DNAH14: variants seen among roughly 807,000 people sequenced by gnomAD.
DNAH14 encodes dynein axonemal heavy chain 14, also known as axonemal beta dynein heavy chain 14.
In DNAH14, 478 loss-of-function variants were observed where a neutral mutation model predicts 520.9. That is an observed-to-expected ratio of 0.92 (90% CI 0.85 to 0.99). The LOEUF is 0.99. DNAH14 is among the 50% of genes least tolerant of loss of function. The pLI is 0.00. For missense variants in DNAH14, 4,831 were observed against 5,234.5 expected (o/e 0.92, Z 2.38); for synonymous variants, 1,581 against 1,757.2 (o/e 0.90, Z 2.51).
chr1:225,094,656 C>CAAAAAAAAAAAAAAAAAAAAACA (rs2074727346), intron 21 of DNAH14, among the ~76,000 whole-genome samples: 1 of 77,822 alleles, frequency 1.3e-5, no homozygotes, highest in Non-Finnish European at 3.4e-5. Flanking sequence ...TTCTGCACAG[C>CAAAAAAAAAAAAAAAAAAAAACA]AAAAAAAAAA....
At chr1:225,098,946 G>A (rs1452114652) in intron 22 of DNAH14, among the ~76,000 whole-genome samples, 1 of 152,140 alleles carries the variant, frequency 6.6e-6, no homozygotes, top group Non-Finnish European at 1.5e-5. Flanking sequence ...TTTGAGTAAT[G>A]GAGCAGGATG....
chr1:224,941,238 G>A (rs1470049413), intron 1 of DNAH14, among the ~76,000 whole-genome samples: 11 of 152,046 alleles, frequency 7.2e-5, no homozygotes, highest in Admixed American at 1.3e-4. Flanking sequence ...GTATCTCATT[G>A]TGGTTTTGAT....
intron 17 of DNAH14, among the ~76,000 whole-genome samples, chr1:225,056,357 C>A (rs1437068611): frequency 1.3e-5 from 2 of 152,158 alleles, no homozygotes; most frequent in African/African-American, 4.8e-5. Context: ...TGTTCATATC[C>A]TTCGCCCACT....
chr1:225,018,549 G>A (rs951562845), intron 10 of DNAH14, among the ~76,000 whole-genome samples: 2 of 152,134 alleles, frequency 1.3e-5, no homozygotes, highest in African/African-American at 4.8e-5. Flanking sequence ...GAGAACTCCT[G>A]TGTGAAGGAG....
At chr1:225,265,153 GT>G in intron 47 of DNAH14, 28 bp from the exon 48 acceptor site, 1 of 1,400,892 alleles carries the variant, frequency 7.1e-7, no homozygotes, top group African/African-American at 1.5e-5. Flanking sequence ...TCCTAAATTT[GT>G]TTTTTCTTTC....
intron 54 of DNAH14, among the ~76,000 whole-genome samples, chr1:225,284,810 G>A (rs907754375): frequency 6.6e-6 from 1 of 152,126 alleles, no homozygotes; most frequent in Non-Finnish European, 1.5e-5. Context: ...ATTTACTGCA[G>A]GAATGCACAT....
intron 23 of DNAH14, among the ~76,000 whole-genome samples, chr1:225,117,369 AATT>A (rs574536078): frequency 4.7e-5 from 7 of 150,396 alleles, no homozygotes; most frequent in African/African-American, 1.2e-4. Context: ...TAATAATAAT[AATT>A]ATTATTATTA....
intron 1 of DNAH14, among the ~76,000 whole-genome samples, chr1:224,936,539 C>T (rs7522229): frequency 0.014 from 2,200 of 151,950 alleles, 38 homozygotes; most frequent in African/African-American, 0.049. Context: ...AGAACATCAA[C>T]GAACCAATAG....
intron 41 of DNAH14, among the ~76,000 whole-genome samples, chr1:225,207,777 C>A (rs1358909062): frequency 6.6e-6 from 1 of 152,078 alleles, no homozygotes; most frequent in Non-Finnish European, 1.5e-5. Flanking sequence ...ATTCATCAAA[C>A]CAATATAGAA....
chr1:224,952,694 G>T lies in DNAH14; in HGVS notation c.-9G>T. ...GCCAGTTCCTTTATAGTTTTGTTCA[G>T]AAAAACATATGGAGACGTTTATACC... On this transcript the variant is annotated 5_prime_UTR_variant, in exon 2 of 86. Transcript: ENST00000682510. 1 of 1,566,866 alleles carries T rather than the reference G, an allele frequency of 6.4e-7. No homozygotes were observed. The highest frequency in any genetic ancestry group is 1.2e-5 in the South Asian group (1 of 82,116).
chr1:225,337,673 G>A (rs2095086011), intron 67 of DNAH14, among the ~76,000 whole-genome samples, 177 bp downstream of exon 67: 1 of 152,088 alleles, frequency 6.6e-6, no homozygotes, highest in African/African-American at 2.4e-5. Flanking sequence ...TTCTCTTACA[G>A]CTGTCTTTCA....
intron 37 of DNAH14, among the ~76,000 whole-genome samples, chr1:225,190,735 G>T (rs1234953810): frequency 5.9e-5 from 9 of 152,046 alleles, no homozygotes; most frequent in Non-Finnish European, 1.2e-4. Context: ...TGAAGACACA[G>T]TGAGAAGGCA....
chr1:225,207,010 C>A lies in DNAH14; in HGVS notation c.6229C>A (p.Leu2077Ile), dbSNP rs866098942. Reference sequence around the variant, plus strand: ...ATGGGAACCTTATGTTAAGTCATGGCTTCTGAAAACTTCTAAAATTATAAG... The same window carrying A: ...ATGGGAACCTTATGTTAAGTCATGGATTCTGAAAACTTCTAAAATTATAAG... Reference protein sequence around the residue: ...LGWEPYVKSWLLKTSKIISQS... With the variant: ...LGWEPYVKSWILKTSKIISQS... Residue 2077 changes from leucine to isoleucine, a missense_variant, in exon 41 of 86, where the codon CTT (leucine) becomes ATT (isoleucine). Leu to Ile is a conservative substitution (Grantham distance 5). Transcript: ENST00000682510. The A allele has an allele frequency of 6.5e-7, 1 of 1,542,386 alleles. No individual in the cohort carries two copies. Among genetic ancestry groups the A allele is most frequent in the East Asian group, 2.5e-5 (1 of 40,638 alleles).
Position 225,231,063 on chromosome 1 carries a change from C to G in DNAH14, c.6440-10C>G. 1 of 1,540,454 alleles carries G rather than the reference C, an allele frequency of 6.5e-7. No individual in the cohort carries two copies. The highest frequency in any genetic ancestry group is 2.0e-5 in the Admixed American group (1 of 49,278). On this transcript the variant is annotated splice_polypyrimidine_tract_variant and intron_variant, in intron 41 of 85. Coordinates refer to ENST00000682510, the MANE Select transcript of DNAH14 (RefSeq NM_001367479.1). ...TGTTAATTATGGAAAAATACTCTTT[C>G]CTTTTTAAGGTGATGATTTGAATGA...
chr1:225,030,954 A>G (rs1261891360), intron 11 of DNAH14, among the ~76,000 whole-genome samples: 3 of 152,032 alleles, frequency 2.0e-5, no homozygotes, highest in Non-Finnish European at 4.4e-5. Flanking sequence ...GAATATATAG[A>G]TCAATCTGGG....
At chr1:225,147,937 A>G (rs2080106665) in intron 31 of DNAH14, among the ~76,000 whole-genome samples, 1 of 152,206 alleles carries the variant, frequency 6.6e-6, no homozygotes, top group South Asian at 2.1e-4. Flanking sequence ...TTCCAGTTCC[A>G]TCCATGTTCC....
Position 225,117,957 on chromosome 1 carries a change from A to G in DNAH14, c.4049A>G (p.Lys1350Arg). The G allele has an allele frequency of 6.4e-7, 1 of 1,551,524 alleles. No homozygotes were observed. ...WKQDIGPPAV[K>R]MLISAEGEGL... Reference sequence around the variant, plus strand: ...CAAGACATTGGCCCTCCTGCTGTAAAAATGCTAATATCTGCTGAAGGGGAA... The same window carrying G: ...CAAGACATTGGCCCTCCTGCTGTAAGAATGCTAATATCTGCTGAAGGGGAA... The change falls in exon 25 of 86, where the codon AAA becomes AGA. Residue 1350 changes from lysine to arginine, a missense_variant. Coordinates refer to ENST00000682510, the MANE Select transcript of DNAH14 (RefSeq NM_001367479.1).
At chr1:225,140,181 G>A (rs2079309135) in intron 27 of DNAH14, among the ~76,000 whole-genome samples, 3 of 152,082 alleles carry the variant, frequency 2.0e-5, no homozygotes. Flanking sequence ...CCTGCAATAG[G>A]TACTATCTTA....
At chr1:224,934,903 G>A (rs74149417) in intron 1 of DNAH14, among the ~76,000 whole-genome samples, 6,567 of 151,746 alleles carry the variant, frequency 0.043, 411 homozygotes, top group African/African-American at 0.14. Flanking sequence ...AATGCCAACC[G>A]AGAATATATT....
Sources: allele counts gnomAD v4.1 joint callset (sites outside exome capture counted in the v4.1 genomes callset), GRCh38; gene constraint gnomAD v4.1.1; transcripts MANE v1.5; gene names NCBI Gene and HGNC (gene_info 2026-07-23, HGNC 2026-07-21).